CAMK2G: variants seen among roughly 807,000 people sequenced by gnomAD.
The protein encoded by CAMK2G is calcium/calmodulin dependent protein kinase II gamma.
In CAMK2G, 23 loss-of-function variants were observed where a neutral mutation model predicts 88.7. The observed-to-expected ratio is 0.26, with a 90% CI of 0.19 to 0.37. The LOEUF is 0.37. Ranked by LOEUF, CAMK2G falls within the 10% of genes least tolerant of loss-of-function variation. The pLI, the probability that CAMK2G is intolerant of heterozygous loss-of-function variation, is 1.00. For synonymous variants in CAMK2G, 263 were observed against 294.8 expected, an observed-to-expected ratio of 0.89 and a Z score of 1.11; for missense variants, 476 against 780.8, an observed-to-expected ratio of 0.61 and a Z score of 4.65.
chr10:73,821,794 G>A, intron 17 of CAMK2G, 64 bp from the exon 18 acceptor site: 1 of 1,342,404 alleles, frequency 7.4e-7, no homozygotes, highest in East Asian at 2.3e-5. Flanking sequence ...GAGCAAAGCA[G>A]AACAAAAGCA....
In CAMK2G at chr10:73,839,431, C is replaced by T. The variant is rs997135005; in HGVS notation, c.1009+108G>A. 16 of 547,930 alleles carry T rather than the reference C, an allele frequency of 2.9e-5. No individual in the cohort carries two copies. Among genetic ancestry groups the T allele is most frequent in the East Asian group, 2.1e-4 (6 of 28,608 alleles). The allele number at this position is 547,930 out of a possible 1,614,324, so 33.9% of individuals were successfully genotyped here. ...TCTGTCTGGCATGCCCATCTCAGCC[C>T]GCAAGCATGGGACTCGCCTCCCTGG... On this transcript the variant is annotated intron_variant, in intron 13 of 22. Transcript: ENST00000423381. This position sits in a 1 kb window ranked among gnomAD's most constrained non-coding sequence, Gnocchi z 4.2.
intron 3 of CAMK2G, among the ~76,000 whole-genome samples, chr10:73,859,674 G>A (rs1441685393): frequency 6.6e-6 from 1 of 152,212 alleles, no homozygotes; most frequent in Non-Finnish European, 1.5e-5. Flanking sequence ...ATCACCACTG[G>A]CCACACCAAT....
rs11539659 is a variant in CAMK2G at position 73,874,485 on chromosome 10, G to A, written c.-24C>T. 7 of 1,467,004 alleles carry A rather than the reference G, an allele frequency of 4.8e-6. No individual in the cohort carries two copies. Among genetic ancestry groups the A allele is most frequent in the Middle Eastern group, 1.9e-4 (1 of 5,230 alleles). The allele number at this position is 1,467,004 out of a possible 1,614,324, so 90.9% of individuals were successfully genotyped here. A position where few individuals can be genotyped will look rare whatever the true frequency, so the allele number is the denominator to read the frequency against. On this transcript the variant is annotated 5_prime_UTR_variant, in exon 1 of 23. Coordinates refer to ENST00000423381, the MANE Select transcript of CAMK2G (RefSeq NM_001367534.1). ...ATGCTGGCGGGCGGGCGGACGCGGCGGTGCAGCCCGCGCCGACGTCGGTGC... is the reference window on the plus strand; with the variant it reads ...ATGCTGGCGGGCGGGCGGACGCGGCAGTGCAGCCCGCGCCGACGTCGGTGC...
intron 16 of CAMK2G, among the ~76,000 whole-genome samples, chr10:73,825,070 G>A (rs912065143): frequency 2.0e-5 from 3 of 152,218 alleles, no homozygotes; most frequent in Non-Finnish European, 2.9e-5. Context: ...GCAGGAGCAG[G>A]AGCAGCACTT....
intron 12 of CAMK2G, among the ~76,000 whole-genome samples, chr10:73,840,888 G>C (rs571086050): frequency 6.6e-6 from 1 of 152,340 alleles, no homozygotes; most frequent in African/African-American, 2.4e-5. Flanking sequence ...AGCACAAGAA[G>C]CAAGTGTGGG....
chr10:73,872,559 T>G (rs576983855), intron 2 of CAMK2G, among the ~76,000 whole-genome samples: 20 of 152,310 alleles, frequency 1.3e-4, no homozygotes, highest in African/African-American at 4.8e-4. Context: ...GAGGCTGGCT[T>G]TGTCAGAGCT....
Position 73,828,235 on chromosome 10 carries a change from G to A in CAMK2G, c.1054-114C>T, listed in dbSNP as rs1385342533. The A allele has an allele frequency of 3.5e-6, 3 of 854,566 alleles. No individual in the cohort carries two copies. The Admixed American group carries it at 5.9e-5, about 17-fold the overall frequency. The allele number at this position is 854,566 out of a possible 1,614,324, so 52.9% of individuals were successfully genotyped here. On this transcript the variant is annotated intron_variant, in intron 14 of 22. Transcript: ENST00000423381. ...TGGGCTCTGCATCAGGGAGAAAAGAGCGGAGGGAGACCCGGAGTCCAGCAC... is the reference window on the plus strand; with the variant it reads ...TGGGCTCTGCATCAGGGAGAAAAGAACGGAGGGAGACCCGGAGTCCAGCAC...
At position 73,842,559 on chromosome 10, in the gene CAMK2G, A is replaced by G. The variant is rs771691574; in HGVS notation, c.820-18T>C. On this transcript the variant is annotated intron_variant, in intron 10 of 22. Coordinates refer to ENST00000423381, the MANE Select transcript of CAMK2G (RefSeq NM_001367534.1). This position sits in a 1 kb window ranked among gnomAD's most constrained non-coding sequence, Gnocchi z 4.6. ...GATCGTTGCTAGAAACCAAACAGAC[A>G]GGCTATGAGCCCCAGCCCAGATCCT... The G allele has an allele frequency of 1.9e-6, 3 of 1,586,414 alleles. No homozygotes were observed. Among genetic ancestry groups the G allele is most frequent in the Middle Eastern group, 1.7e-4 (1 of 6,012 alleles).
rs2134868021 is a variant in CAMK2G at position 73,848,934 on chromosome 10, T to C, written c.517+79A>G. 1.1e-6 allele frequency: 1 copy of C among 927,732 alleles called. No individual in the cohort carries two copies. 57.5% of individuals were successfully genotyped at this position (927,732 alleles called of 1,614,324 possible). ...CCAGGACCATTAAGGGTCTGGCTTC[T>C]AGTTCTAATAGAGGAAGGCAGATCA... On this transcript the variant is annotated intron_variant, in intron 7 of 22. Coordinates refer to ENST00000423381, the MANE Select transcript of CAMK2G (RefSeq NM_001367534.1). This position sits in a 1 kb window ranked among gnomAD's most constrained non-coding sequence, Gnocchi z 4.5.
chr10:73,861,378 C>T (rs898460715), intron 2 of CAMK2G, among the ~76,000 whole-genome samples: 5 of 152,120 alleles, frequency 3.3e-5, no homozygotes, highest in African/African-American at 7.2e-5. Context: ...CTTTCTGAGA[C>T]GGAGTCTCGT....
At chr10:73,843,150 G>A (rs918128514) in intron 10 of CAMK2G, among the ~76,000 whole-genome samples, 8 of 151,198 alleles carry the variant, frequency 5.3e-5, no homozygotes, top group African/African-American at 1.7e-4. Flanking sequence ...TCGGCTCACC[G>A]TAGCCTCCGC....
At chr10:73,820,716 A>G (rs1437506189) in intron 18 of CAMK2G, among the ~76,000 whole-genome samples, 2 of 114,358 alleles carry the variant, frequency 1.7e-5, no homozygotes, top group Admixed American at 2.4e-4. Context: ...CTTGTTGCCC[A>G]GGCTGGAGTG....
chr10:73,847,298 A>G lies in CAMK2G; in HGVS notation c.746T>C (p.Ile249Thr). Residue 249 changes from isoleucine (I) to threonine (T), a missense_variant, in exon 10 of 23, where the codon ATC becomes ACC. Around this residue, in one of 3 missense-constraint regions of CAMK2G, gnomAD observed 164 missense variants for 385.6 expected, o/e 0.43. Transcript: ENST00000423381. ...DTVTPEAKNLINQMLTINPAK... is the reference protein window; with the variant it reads ...DTVTPEAKNLTNQMLTINPAK... ...TGGGTTTATGGTCAGCATCTGGTTGATCAAGTTCTTGGCTTCAGGAGTTAC... is the reference window on the plus strand; with the variant it reads ...TGGGTTTATGGTCAGCATCTGGTTGGTCAAGTTCTTGGCTTCAGGAGTTAC... The G allele has an allele frequency of 6.2e-7, 1 of 1,614,148 alleles. No individual in the cohort carries two copies.
Position 73,818,609 on chromosome 10 carries a change from G to A in CAMK2G, c.1363+923C>T, listed in dbSNP as rs370431625. 1.0e-3 allele frequency: 451 copies of A among 441,022 alleles called. 3 individuals carry two copies. In the Middle Eastern group the frequency reaches 0.012, roughly 11 times the overall value. 27.3% of individuals were successfully genotyped at this position (441,022 alleles called of 1,614,324 possible). ...AGCAGCACAGTTGGGACAGGGCAGC[G>A]CAGCCAAAGGCACATCCAGGAGGGG... On this transcript the variant is annotated intron_variant, in intron 19 of 22. Transcript: ENST00000423381.
intron 18 of CAMK2G, among the ~76,000 whole-genome samples, chr10:73,821,382 T>G (rs748373722): frequency 4.6e-5 from 7 of 152,184 alleles, no homozygotes; most frequent in Non-Finnish European, 8.8e-5. Context: ...CCCCTGTTCT[T>G]GGATGGCACA....
At chr10:73,841,947 T>C in intron 12 of CAMK2G, 1 of 573,464 alleles carries the variant, frequency 1.7e-6, no homozygotes, top group South Asian at 2.0e-5. Flanking sequence ...GGCTACTCCT[T>C]GGGAAGTTCT....
At chr10:73,821,174 G>A (rs2088549076) in intron 18 of CAMK2G, among the ~76,000 whole-genome samples, 1 of 151,518 alleles carries the variant, frequency 6.6e-6, no homozygotes, top group Non-Finnish European at 1.5e-5. Flanking sequence ...GCCCAAGCTT[G>A]TCTCAAACTC....
chr10:73,860,605 G>C (rs1364886192), intron 3 of CAMK2G, among the ~76,000 whole-genome samples: 1 of 152,172 alleles, frequency 6.6e-6, no homozygotes, highest in Non-Finnish European at 1.5e-5. Context: ...CTATTCTGAT[G>C]CCTCACACCC....
At chr10:73,847,783 T>C (rs895814872) in intron 9 of CAMK2G, among the ~76,000 whole-genome samples, 4 of 152,224 alleles carry the variant, frequency 2.6e-5, no homozygotes, top group Non-Finnish European at 5.9e-5. Flanking sequence ...ATTTTAGTTA[T>C]GAAGAAGGCT....
Sources: allele counts gnomAD v4.1 joint callset (sites outside exome capture counted in the v4.1 genomes callset), GRCh38; gene constraint gnomAD v4.1.1; regional missense constraint gnomAD v4.1.1; non-coding constraint Gnocchi (gnomAD v3.1); transcripts MANE v1.5; gene names NCBI Gene and HGNC (gene_info 2026-07-23, HGNC 2026-07-21).